Variants in APCDD1L observed in about 807,000 individuals in gnomAD.
APCDD1L encodes the protein protein APCDD1-like.
APCDD1L carries 21 observed loss-of-function variants against 24.2 expected under a neutral mutation model. The ratio of observed to expected loss-of-function variants is 0.87; its 90% confidence interval spans 0.61 to 1.25. APCDD1L has a LOEUF of 1.25. Ranked by LOEUF, APCDD1L falls within the 50% of genes most tolerant of loss-of-function variation. The probability of loss-of-function intolerance (pLI) is 0.00; values close to 1 mark genes in which losing one functional copy is unlikely to be tolerated. For missense variants in APCDD1L, 704 were observed against 711.7 expected (o/e 0.99, Z 0.12); for synonymous variants, 321 against 323.6 (o/e 0.99, Z 0.09).
chr20:58,475,659 T>C lies in APCDD1L; in HGVS notation c.50-4912A>G, dbSNP rs1486107202. 2.0e-5 allele frequency among the ~76,000 whole-genome samples: 3 copies of C among 152,118 alleles called. No individual in the cohort carries two copies. The East Asian group carries it at 5.8e-4, about 29-fold the overall frequency. ...CTGAGGCACGCGAAAGGAGAGCATC[T>C]GGGCATCTCAGGGCTGCCACGACAA... is the stretch of plus-strand genomic sequence containing the variant. On this transcript the variant is annotated intron_variant, in intron 1 of 3. Transcript: ENST00000371149.
At position 58,467,338 on chromosome 20, in the gene APCDD1L, G is replaced by A; in HGVS notation, c.509C>T (p.Pro170Leu). ...RRLPPARAWL[P>L]GALYELRSAR... ...GCTCCGCAGCTCGTACAGCGCCCCA[G>A]GCAGCCAGGCCCGGGCCGGAGGCAG... Residue 170 changes from proline to leucine, a missense_variant, in exon 3 of 4, where the codon CCT becomes CTT. Pro to Leu is a moderately conservative substitution (Grantham distance 98, BLOSUM62 -3). Transcript: ENST00000371149. This position sits in a 1 kb window ranked among gnomAD's most constrained non-coding sequence, Gnocchi z 5.9. The A allele has an allele frequency of 6.7e-7, 1 of 1,497,880 alleles. No homozygotes were observed. The highest frequency in any genetic ancestry group is 1.3e-5 in the South Asian group (1 of 78,772). The allele number at this position is 1,497,880 out of a possible 1,614,324, so 92.8% of individuals were successfully genotyped here.
At position 58,461,324 on chromosome 20, in the gene APCDD1L, C is replaced by G; in HGVS notation, c.972G>C (p.Arg324=). 1 of 1,603,036 alleles carries G rather than the reference C, an allele frequency of 6.2e-7. No homozygotes were observed. The highest frequency in any genetic ancestry group is 1.7e-4 in the Middle Eastern group (1 of 6,012). Residue 324 remains arginine (R), a synonymous_variant, in exon 4 of 4, where the codon CGG becomes CGC. Transcript: ENST00000371149. The surrounding 1 kb of genome is among the most constrained non-coding windows in gnomAD (Gnocchi z 6.0). ...CGGCATACACGGTGAAGGTGGGCTG[C>G]CGGCAGGCTGGGTCTGAGAAGTGGT... ...YYHHFSDPAC[R]QPTFTVYAAG...
chr20:58,476,136 G>A (rs1375258496), intron 1 of APCDD1L, among the ~76,000 whole-genome samples: 6 of 152,140 alleles, frequency 3.9e-5, no homozygotes, highest in Non-Finnish European at 7.3e-5. Flanking sequence ...TCCCCCAGGT[G>A]ACCCAACTAT....
At chr20:58,487,989 C>T (rs1387065780) in intron 1 of APCDD1L, among the ~76,000 whole-genome samples, 2 of 151,986 alleles carry the variant, frequency 1.3e-5, no homozygotes, top group Non-Finnish European at 1.5e-5. Flanking sequence ...TGTGTGTATG[C>T]AAGTGTGTTG....
intron 3 of APCDD1L, among the ~76,000 whole-genome samples, chr20:58,465,631 T>G (rs1240495571): frequency 6.6e-6 from 1 of 152,212 alleles, no homozygotes; most frequent in Admixed American, 6.5e-5. Context: ...GGGTGCCTTG[T>G]ACAGAAGTTT....
At chr20:58,500,045 T>C (rs906375177) in intron 1 of APCDD1L, among the ~76,000 whole-genome samples, 1 of 152,190 alleles carries the variant, frequency 6.6e-6, no homozygotes, top group African/African-American at 2.4e-5. Context: ...AGCTGGAGCC[T>C]AGAAAAACAA....
At chr20:58,481,715 C>T (rs1196691968) in intron 1 of APCDD1L, among the ~76,000 whole-genome samples, 1 of 152,120 alleles carries the variant, frequency 6.6e-6, no homozygotes, top group East Asian at 1.9e-4. Flanking sequence ...GAGCCAGTGG[C>T]GAACCCTCAC....
chr20:58,467,005 CCT>C lies in APCDD1L; in HGVS notation c.741+99_741+100del. Reference sequence around the variant, plus strand: ...GTGATGACAGCCGGGCAGCCAGAGCCCTGGGCAGGCCCAGGTCTTGCAAAGCT... The same window carrying C: ...GTGATGACAGCCGGGCAGCCAGAGCCGGGCAGGCCCAGGTCTTGCAAAGCT... On this transcript the variant is annotated intron_variant, in intron 3 of 3. Transcript: ENST00000371149. The surrounding 1 kb of genome is among the most constrained non-coding windows in gnomAD (Gnocchi z 5.9). The C allele has an allele frequency of 7.7e-6, 11 of 1,422,840 alleles. No homozygotes were observed. The highest frequency in any genetic ancestry group is 1.9e-4 in the Middle Eastern group (1 of 5,258). 88.1% of individuals were successfully genotyped at this position (1,422,840 alleles called of 1,614,324 possible).
Position 58,467,866 on chromosome 20 carries a change from A to T in APCDD1L, c.189-208T>A, listed in dbSNP as rs932244646. Among the ~76,000 whole-genome samples the T allele has an allele frequency of 6.6e-6, 1 of 152,060 alleles. No individual in the cohort carries two copies. The highest frequency in any genetic ancestry group is 6.5e-5 in the Admixed American group (1 of 15,288). ...TTGCACTGGATGCCTCGTGGCCTCGACACAAGCCTTCTAGTTCATTCTCCT... is the reference window on the plus strand; with the variant it reads ...TTGCACTGGATGCCTCGTGGCCTCGTCACAAGCCTTCTAGTTCATTCTCCT... On this transcript the variant is annotated intron_variant, in intron 2 of 3. Transcript: ENST00000371149. The surrounding 1 kb of genome is among the most constrained non-coding windows in gnomAD (Gnocchi z 5.9).
At position 58,481,837 on chromosome 20, in the gene APCDD1L, C is replaced by T. The variant is rs77848156; in HGVS notation, c.50-11090G>A. 4.8e-4 allele frequency among the ~76,000 whole-genome samples: 73 copies of T among 152,318 alleles called. 1 individual carries two copies. In the East Asian group the frequency reaches 0.014, roughly 28 times the overall value. ...AGGCCAGCTCTGGTGCCCAAACTTT[C>T]TTCCACGTGGGAGATCTTCCTTTCC... On this transcript the variant is annotated intron_variant, in intron 1 of 3. Coordinates refer to ENST00000371149, the MANE Select transcript of APCDD1L (RefSeq NM_153360.3).
chr20:58,502,796 TTAA>T (rs1990464648), intron 1 of APCDD1L, among the ~76,000 whole-genome samples: 1 of 152,084 alleles, frequency 6.6e-6, no homozygotes, highest in Admixed American at 6.5e-5. Context: ...TTTCGCCCAC[TTAA>T]TAATGAAGTC....
In APCDD1L at chr20:58,494,745, T is replaced by C. The variant is rs557134238; in HGVS notation, c.49+19914A>G. Among the ~76,000 whole-genome samples, 1 of 152,266 alleles carries C rather than the reference T, an allele frequency of 6.6e-6. No homozygotes were observed. The highest frequency in any genetic ancestry group is 1.9e-4 in the East Asian group (1 of 5,186). On this transcript the variant is annotated intron_variant, in intron 1 of 3. Transcript: ENST00000371149. This position sits in a 1 kb window ranked among gnomAD's most constrained non-coding sequence, Gnocchi z 4.8. ...GTTGAAAGCCCCTTCCATTCTGAAG[T>C]GCTACGAGCCCCGTACTTTGCCTGT... is the stretch of plus-strand genomic sequence containing the variant.
chr20:58,493,669 C>T (rs576389696), intron 1 of APCDD1L, among the ~76,000 whole-genome samples: 3 of 152,156 alleles, frequency 2.0e-5, no homozygotes, highest in South Asian at 4.2e-4. Context: ...AAAAATACCC[C>T]GTTTAGGGGG....
At chr20:58,468,848 G>A (rs978727276) in intron 2 of APCDD1L, among the ~76,000 whole-genome samples, 3 of 152,140 alleles carry the variant, frequency 2.0e-5, no homozygotes, top group African/African-American at 7.2e-5. Flanking sequence ...GATTACAGGC[G>A]TGATCCCAGC....
chr20:58,492,541 G>T (rs1439371530), intron 1 of APCDD1L, among the ~76,000 whole-genome samples: 1 of 152,242 alleles, frequency 6.6e-6, no homozygotes, highest in East Asian at 1.9e-4. Context: ...AATAGCAAGA[G>T]TAGGTGAGGA....
At chr20:58,470,384 G>A (rs1989787171) in intron 2 of APCDD1L, among the ~76,000 whole-genome samples, 1 of 152,246 alleles carries the variant, frequency 6.6e-6, no homozygotes, top group African/African-American at 2.4e-5. Flanking sequence ...TATAATAGGT[G>A]TTCAAGGTGT....
In APCDD1L at chr20:58,467,105, CCAGTGCGCTCTG is replaced by C; in HGVS notation, c.730_741del (p.Gln244_Leu247del). ...TCCCACACCCCAACACACACACTCA[CCAGTGCGCTCTG>C]CAGCGGGCGCTGGTAGCCCGTGGGC... On this transcript the variant is annotated inframe_deletion and splice_region_variant, in exon 3 of 4. Transcript: ENST00000371149. The surrounding 1 kb of genome is among the most constrained non-coding windows in gnomAD (Gnocchi z 5.9). 2 of 1,601,624 alleles carry C rather than the reference CCAGTGCGCTCTG, an allele frequency of 1.2e-6. No individual in the cohort carries two copies. The highest frequency in any genetic ancestry group is 8.5e-7 in the Non-Finnish European group (1 of 1,176,770).
rs551674858 is a variant in APCDD1L, at chr20:58,487,509, T to C, written c.50-16762A>G. Among the ~76,000 whole-genome samples, 127 of 152,236 alleles carry C rather than the reference T, an allele frequency of 8.3e-4. 7 individuals are homozygous for C. The South Asian group carries it at 0.024, about 29-fold the overall frequency. On this transcript the variant is annotated intron_variant, in intron 1 of 3. Coordinates refer to ENST00000371149, the MANE Select transcript of APCDD1L (RefSeq NM_153360.3). ...ACAAATATGAAAAAATGTAAATGGA[T>C]TTAATTACCAATCAACAGAGATTAT...
At chr20:58,512,054 C>T (rs1990639142) in intron 1 of APCDD1L, among the ~76,000 whole-genome samples, 2 of 152,226 alleles carry the variant, frequency 1.3e-5, no homozygotes, top group South Asian at 4.1e-4. Context: ...CCAGACACAT[C>T]TGGCCTGACA....
Sources: allele counts gnomAD v4.1 joint callset (sites outside exome capture counted in the v4.1 genomes callset), GRCh38; gene constraint gnomAD v4.1.1; non-coding constraint Gnocchi (gnomAD v3.1); transcripts MANE v1.5; gene names NCBI Gene and HGNC (gene_info 2026-07-23, HGNC 2026-07-21).